The following LRFN5 variants were observed in gnomAD, a reference collection of about 807,000 sequenced individuals.
The protein encoded by LRFN5 is leucine-rich repeat and fibronectin type-III domain-containing protein 5.
Under a neutral mutation model 45.6 loss-of-function variants are expected in LRFN5, and 24 were observed. That is an observed-to-expected ratio of 0.53 (90% CI 0.38 to 0.74). The LOEUF is 0.74. Among genes scored for constraint, LRFN5 ranks in the 30% least tolerant of loss-of-function variants. LRFN5 has a pLI of 0.00. For missense variants in LRFN5, 776 were observed against 861.5 expected, an observed-to-expected ratio of 0.90 and a Z score of 1.24; for synonymous variants, 340 against 313.8, an observed-to-expected ratio of 1.08 and a Z score of -0.88.
chr14:41,732,753 A>G (rs1884233934), intron 1 of LRFN5, among the ~76,000 whole-genome samples: 1 of 151,562 alleles, frequency 6.6e-6, no homozygotes, highest in Non-Finnish European at 1.5e-5. Flanking sequence ...AAAATTAACC[A>G]ACAGAATTTC....
In LRFN5 at chr14:41,627,459, C is replaced by G. The variant is rs79467137; in HGVS notation, c.-197+18897C>G. ...TTAAACCATTTTTTGAAGCATTCCT[C>G]TAGGTATATTTTCCTTTTGTCAAGT... On this transcript the variant is annotated intron_variant, in intron 1 of 5. Coordinates refer to ENST00000298119, the MANE Select transcript of LRFN5 (RefSeq NM_152447.5). Among the ~76,000 whole-genome samples, 430 of 152,222 alleles carry G rather than the reference C, an allele frequency of 2.8e-3. 15 individuals carry two copies. The East Asian group carries it at 0.071, about 25-fold the overall frequency.
intron 1 of LRFN5, among the ~76,000 whole-genome samples, chr14:41,614,157 G>T (rs1057228986): frequency 1.3e-5 from 2 of 151,876 alleles, no homozygotes; most frequent in Non-Finnish European, 2.9e-5. Context: ...TTTTTGAATG[G>T]TTTATTTGCA....
chr14:41,759,728 A>G (rs751229296), intron 1 of LRFN5, among the ~76,000 whole-genome samples: 15 of 152,186 alleles, frequency 9.9e-5, no homozygotes, highest in Non-Finnish European at 2.1e-4. Context: ...AGAGCTTTTC[A>G]TTGACTGATA....
At chr14:41,797,059 A>G (rs1887158448) in intron 2 of LRFN5, among the ~76,000 whole-genome samples, 1 of 151,866 alleles carries the variant, frequency 6.6e-6, no homozygotes, top group Non-Finnish European at 1.5e-5. Flanking sequence ...ATTATTTCAA[A>G]TAGTTTTTAA....
intron 1 of LRFN5, among the ~76,000 whole-genome samples, chr14:41,677,985 T>A (rs1011752710): frequency 6.6e-6 from 1 of 152,016 alleles, no homozygotes; most frequent in African/African-American, 2.4e-5. Flanking sequence ...TTAAGCAATC[T>A]AATGAAAATA....
chr14:41,764,397 A>G (rs1885794032), intron 1 of LRFN5, among the ~76,000 whole-genome samples: 1 of 152,182 alleles, frequency 6.6e-6, no homozygotes, highest in Admixed American at 6.5e-5. Context: ...TAGCTGGCAC[A>G]TAGTAAATCT....
intron 2 of LRFN5, among the ~76,000 whole-genome samples, chr14:41,793,994 A>G (rs1887029371): frequency 6.6e-6 from 1 of 151,562 alleles, no homozygotes; most frequent in Admixed American, 6.6e-5. Context: ...TCCTCCTGTC[A>G]CTCACTTCCA....
chr14:41,794,272 C>T (rs1887039583), intron 2 of LRFN5, among the ~76,000 whole-genome samples: 1 of 152,000 alleles, frequency 6.6e-6, no homozygotes, highest in Admixed American at 6.6e-5. Flanking sequence ...CTAAACTGGT[C>T]ATAATCTCTG....
chr14:41,649,982 A>G (rs1176347936), intron 1 of LRFN5, among the ~76,000 whole-genome samples: 1 of 152,178 alleles, frequency 6.6e-6, no homozygotes, highest in African/African-American at 2.4e-5. Context: ...GTAGTGCTCA[A>G]AGGCAATAAT....
chr14:41,696,620 AG>A (rs961315725), intron 1 of LRFN5, among the ~76,000 whole-genome samples: 4 of 151,884 alleles, frequency 2.6e-5, no homozygotes, highest in African/African-American at 9.7e-5. Context: ...AGTAGTTCTA[AG>A]GTTAGTTTTT....
chr14:41,853,577 T>C (rs750281293), intron 2 of LRFN5, among the ~76,000 whole-genome samples: 3 of 152,060 alleles, frequency 2.0e-5, no homozygotes, highest in Non-Finnish European at 2.9e-5. Context: ...TACATTAGGT[T>C]TCCATTTTGG....
In LRFN5 at chr14:41,704,587, C is replaced by T. The variant is rs1018574240; in HGVS notation, c.-196-62267C>T. On this transcript the variant is annotated intron_variant, in intron 1 of 5. Coordinates refer to ENST00000298119, the MANE Select transcript of LRFN5 (RefSeq NM_152447.5). ...CATCATCCTGCCTCAGCCTCCCAAG[C>T]GGGTGGAACTACAGATGCGTGCCAC... Among the ~76,000 whole-genome samples the T allele has an allele frequency of 4.0e-5, 6 of 151,706 alleles. No homozygotes were observed. The East Asian group carries it at 5.8e-4, about 15-fold the overall frequency.
At chr14:41,899,830 T>G (rs1197026897) in intron 5 of LRFN5, among the ~76,000 whole-genome samples, 1 of 152,168 alleles carries the variant, frequency 6.6e-6, no homozygotes, top group Non-Finnish European at 1.5e-5. Flanking sequence ...GCATCATTTC[T>G]TTACTGAATT....
intron 4 of LRFN5, among the ~76,000 whole-genome samples, chr14:41,897,777 A>G (rs1198765212): frequency 6.6e-6 from 1 of 152,122 alleles, no homozygotes; most frequent in Non-Finnish European, 1.5e-5. Flanking sequence ...TATGTTCATG[A>G]TGTCTGAAAA....
intron 2 of LRFN5, among the ~76,000 whole-genome samples, chr14:41,874,824 C>T (rs1239902156): frequency 1.3e-5 from 2 of 152,170 alleles, no homozygotes; most frequent in African/African-American, 4.8e-5. Flanking sequence ...CCTCAGGGAA[C>T]TTACAATCAT....
intron 1 of LRFN5, among the ~76,000 whole-genome samples, chr14:41,724,889 ATCGGT>A (rs1388228288): frequency 2.6e-5 from 4 of 152,182 alleles, no homozygotes; most frequent in Non-Finnish European, 5.9e-5. Flanking sequence ...AACTTTGGTA[ATCGGT>A]TACTACCTTT....
At chr14:41,615,652 C>G in intron 1 of LRFN5, among the ~76,000 whole-genome samples, 1 of 152,050 alleles carries the variant, frequency 6.6e-6, no homozygotes, top group Admixed American at 6.6e-5. Flanking sequence ...GCTTTTGGAG[C>G]AGAGAAAGCA....
intron 2 of LRFN5, among the ~76,000 whole-genome samples, chr14:41,830,130 A>T (rs1888431103): frequency 6.6e-6 from 1 of 151,374 alleles, no homozygotes; most frequent in Admixed American, 6.6e-5. Context: ...AAATCTTATA[A>T]ATTTTAACTT....
chr14:41,722,092 T>G (rs555434108), intron 1 of LRFN5, among the ~76,000 whole-genome samples: 1 of 152,246 alleles, frequency 6.6e-6, no homozygotes, highest in South Asian at 2.1e-4. Context: ...AATTTTTGTC[T>G]AATTTGGCTA....
Sources: allele counts gnomAD v4.1 joint callset (sites outside exome capture counted in the v4.1 genomes callset), GRCh38; gene constraint gnomAD v4.1.1; transcripts MANE v1.5; gene names NCBI Gene and HGNC (gene_info 2026-07-23, HGNC 2026-07-21).